GNAI1: variants seen among roughly 807,000 people sequenced by gnomAD.
The protein encoded by GNAI1 is G protein subunit alpha i1.
In GNAI1, 11 loss-of-function variants were observed where a neutral mutation model predicts 38.9. That is an observed-to-expected ratio of 0.28 (90% CI 0.18 to 0.47). The LOEUF is 0.47. GNAI1 is among the 20% of genes least tolerant of loss of function. The probability of loss-of-function intolerance (pLI) is 0.99; values close to 1 mark genes in which losing one functional copy is unlikely to be tolerated. For synonymous variants in GNAI1, 166 were observed against 145.1 expected (o/e 1.14, Z -1.04); for missense variants, 317 against 436.9 (o/e 0.73, Z 2.45).
chr7:80,183,146 A>G (rs966555407), intron 1 of GNAI1, among the ~76,000 whole-genome samples: 1 of 152,182 alleles, frequency 6.6e-6, no homozygotes, highest in Admixed American at 6.5e-5. Flanking sequence ...AATATATTAT[A>G]TACATTTCAA....
intron 1 of GNAI1, among the ~76,000 whole-genome samples, chr7:80,163,268 T>A (rs1194101270): frequency 6.6e-6 from 1 of 152,220 alleles, no homozygotes; most frequent in African/African-American, 2.4e-5. Context: ...TTTGTAATCA[T>A]CTTTATCCTA....
At chr7:80,141,198 G>A (rs1017772222) in intron 1 of GNAI1, among the ~76,000 whole-genome samples, 2 of 152,114 alleles carry the variant, frequency 1.3e-5, no homozygotes, top group African/African-American at 4.8e-5. Context: ...TCCACAGTCC[G>A]CCCTCTGGCT....
Position 80,188,969 on chromosome 7 carries a change from A to G in GNAI1, c.137A>G (p.Lys46Arg), listed in dbSNP as rs770175485. ...TTTTTAGGTGCTGGTGAATCTGGTA[A>G]AAGTACAATTGTGAAGCAGATGAAG... ...LLLLGAGESG[K>R]STIVKQMKII... Residue 46 changes from lysine (K) to arginine (R), a missense_variant, in exon 2 of 8, where the codon AAA becomes AGA. Around this residue, in one of 5 missense-constraint regions of GNAI1, gnomAD observed 40 missense variants for 78.0 expected, o/e 0.51. Coordinates refer to ENST00000649796, the MANE Select transcript of GNAI1 (RefSeq NM_002069.6). 1.2e-6 allele frequency: 2 copies of G among 1,607,870 alleles called. No individual in the cohort carries two copies. Among genetic ancestry groups the G allele is most frequent in the African/African-American group, 1.3e-5 (1 of 74,846 alleles).
intron 1 of GNAI1, among the ~76,000 whole-genome samples, chr7:80,137,307 C>CTTTTTTTTTTTTTTTTTTTTT (rs1787435379): frequency 1.6e-5 from 1 of 61,204 alleles, no homozygotes; most frequent in African/African-American, 5.3e-5. Context: ...TTTTTTTTTT[C>CTTTTTTTTTTTTTTTTTTTTT]TTTTCTTTTC....
chr7:80,180,607 A>G (rs1157864579), intron 1 of GNAI1, among the ~76,000 whole-genome samples: 1 of 152,154 alleles, frequency 6.6e-6, no homozygotes, highest in Admixed American at 6.5e-5. Context: ...CAAGATAATT[A>G]AAGTATTACT....
At position 80,135,260 on chromosome 7, in the gene GNAI1, G is replaced by A; in HGVS notation, c.100G>A (p.Val34Ile). ...GGACGGCGAGAAGGCGGCGCGCGAG[G>A]TCAAGCTGCTGCTGCTCGGTAAGGG... Reference protein sequence around the residue: ...REDGEKAAREVKLLLLGAGES... With the variant: ...REDGEKAAREIKLLLLGAGES... The change falls in exon 1 of 8, where the codon GTC (valine) becomes ATC (isoleucine). Residue 34 changes from valine to isoleucine, a missense_variant. Around this residue, in one of 5 missense-constraint regions of GNAI1, gnomAD observed 40 missense variants for 78.0 expected, o/e 0.51. Transcript: ENST00000649796. The A allele has an allele frequency of 5.3e-6, 8 of 1,518,238 alleles. No individual in the cohort carries two copies. Among genetic ancestry groups the A allele is most frequent in the Admixed American group, 2.0e-5 (1 of 49,930 alleles). The allele number at this position is 1,518,238 out of a possible 1,614,324, so 94.0% of individuals were successfully genotyped here. A position where few individuals can be genotyped will look rare whatever the true frequency, so the allele number is the denominator to read the frequency against.
Position 80,135,467 on chromosome 7 carries a change from C to G in GNAI1, c.118+189C>G, listed in dbSNP as rs561227369. On this transcript the variant is annotated intron_variant, in intron 1 of 7. Coordinates refer to ENST00000649796, the MANE Select transcript of GNAI1 (RefSeq NM_002069.6). ...TCCCGGTGTCTGGTCTCTCTCCGCC[C>G]CGGCGGGCGAGGACTCCCCGCGGCG... is the stretch of plus-strand genomic sequence containing the variant. 3.6e-4 allele frequency: 153 copies of G among 419,724 alleles called. No homozygotes were observed. The East Asian group carries it at 5.3e-3, about 15-fold the overall frequency. 26.0% of individuals were successfully genotyped at this position (419,724 alleles called of 1,614,324 possible).
chr7:80,140,206 G>C (rs926606736), intron 1 of GNAI1, among the ~76,000 whole-genome samples: 1 of 151,940 alleles, frequency 6.6e-6, no homozygotes, highest in East Asian at 1.9e-4. Context: ...GAGTGGTGTC[G>C]ATCTCCTGAC....
rs1789037108 is a variant in GNAI1 at position 80,219,567 on chromosome 7, T to C, written c.*2074T>C. ...ATGTGATGCCACATTTGGAATTGCCTTCTTGATATCCCCTTCTGAGAATGC... is the reference window on the plus strand; with the variant it reads ...ATGTGATGCCACATTTGGAATTGCCCTCTTGATATCCCCTTCTGAGAATGC... On this transcript the variant is annotated 3_prime_UTR_variant, in exon 8 of 8. Coordinates refer to ENST00000649796, the MANE Select transcript of GNAI1 (RefSeq NM_002069.6). Among the ~76,000 whole-genome samples the C allele has an allele frequency of 6.6e-6, 1 of 152,192 alleles. No individual in the cohort carries two copies.
At chr7:80,213,342 G>A (rs1788904754) in intron 7 of GNAI1, among the ~76,000 whole-genome samples, 1 of 152,188 alleles carries the variant, frequency 6.6e-6, no homozygotes, top group African/African-American at 2.4e-5. Flanking sequence ...GGGCAGGGAA[G>A]GTTTCACAAG....
chr7:80,175,938 A>G (rs930690487), intron 1 of GNAI1, among the ~76,000 whole-genome samples: 4 of 152,202 alleles, frequency 2.6e-5, no homozygotes, highest in African/African-American at 9.6e-5. Flanking sequence ...AGGAAGAGTC[A>G]CAAGTCTCTC....
chr7:80,163,215 C>T (rs540389936), intron 1 of GNAI1, among the ~76,000 whole-genome samples: 4 of 152,124 alleles, frequency 2.6e-5, no homozygotes, highest in Non-Finnish European at 5.9e-5. Context: ...GTCCCTATCC[C>T]CCAGGACCCC....
At chr7:80,200,278 C>A (rs7789475) in intron 4 of GNAI1, among the ~76,000 whole-genome samples, 111,537 of 140,970 alleles carry the variant, frequency 0.79, 44,009 homozygotes, top group East Asian at 0.92. Flanking sequence ...GTGAGCCATG[C>A]TCGTACCACT....
At chr7:80,216,244 C>T (rs918639560) in intron 7 of GNAI1, among the ~76,000 whole-genome samples, 1 of 150,820 alleles carries the variant, frequency 6.6e-6, no homozygotes, top group African/African-American at 2.4e-5. Context: ...ATCCACCACT[C>T]AGGTCAAGAA....
chr7:80,137,254 C>A (rs1379242878), intron 1 of GNAI1, among the ~76,000 whole-genome samples: 1 of 147,662 alleles, frequency 6.8e-6, no homozygotes, highest in African/African-American at 2.5e-5. Flanking sequence ...GCCTCATTTT[C>A]AGAAGAAATT....
intron 1 of GNAI1, among the ~76,000 whole-genome samples, chr7:80,154,189 C>T (rs1584012238): frequency 1.3e-5 from 2 of 152,270 alleles, no homozygotes; most frequent in South Asian, 4.1e-4. Context: ...TTCCAAAGTG[C>T]TGGGATTTAC....
chr7:80,166,389 A>T (rs1483470526), intron 1 of GNAI1, among the ~76,000 whole-genome samples: 1 of 152,116 alleles, frequency 6.6e-6, no homozygotes, highest in Non-Finnish European at 1.5e-5. Flanking sequence ...AAATTGTTTA[A>T]AAAAACAGAG....
At chr7:80,168,105 G>C (rs1008739791) in intron 1 of GNAI1, among the ~76,000 whole-genome samples, 1 of 152,076 alleles carries the variant, frequency 6.6e-6, no homozygotes, top group African/African-American at 2.4e-5. Context: ...GAGAATCATT[G>C]CCCTTAGCTG....
intron 1 of GNAI1, among the ~76,000 whole-genome samples, chr7:80,178,191 G>A (rs769935785): frequency 2.0e-5 from 3 of 152,194 alleles, no homozygotes; most frequent in Non-Finnish European, 4.4e-5. Context: ...TTTAAGGAAA[G>A]AGGAATTGCT....
Sources: allele counts gnomAD v4.1 joint callset (sites outside exome capture counted in the v4.1 genomes callset), GRCh38; gene constraint gnomAD v4.1.1; regional missense constraint gnomAD v4.1.1; transcripts MANE v1.5; gene names NCBI Gene and HGNC (gene_info 2026-07-23, HGNC 2026-07-21).